Variants in MIPEP observed in about 807,000 individuals in gnomAD.
MIPEP encodes the protein mitochondrial intermediate peptidase.
MIPEP carries 79 observed loss-of-function variants against 90.3 expected under a neutral mutation model. That is an observed-to-expected ratio of 0.87 (90% CI 0.73 to 1.05). MIPEP has a LOEUF of 1.05. MIPEP is among the 50% of genes least tolerant of loss of function. MIPEP has a pLI of 0.00. For missense variants in MIPEP, 940 were observed against 905.6 expected (o/e 1.04, Z -0.49); for synonymous variants, 334 against 315.8 (o/e 1.06, Z -0.61).
intron 16 of MIPEP, among the ~76,000 whole-genome samples, chr13:23,801,496 T>C (rs760335117): frequency 1.1e-4 from 16 of 152,302 alleles, no homozygotes; most frequent in Middle Eastern, 3.4e-3. Flanking sequence ...CTACTATTAG[T>C]AGAAAGAATG....
intron 18 of MIPEP, among the ~76,000 whole-genome samples, chr13:23,748,131 C>T (rs1361197924): frequency 6.6e-6 from 1 of 152,162 alleles, no homozygotes; most frequent in Non-Finnish European, 1.5e-5. Flanking sequence ...ACCTCCGACT[C>T]CCAGGTATAA....
At chr13:23,817,204 G>A (rs1459275703) in intron 14 of MIPEP, among the ~76,000 whole-genome samples, 1 of 152,176 alleles carries the variant, frequency 6.6e-6, no homozygotes, top group African/African-American at 2.4e-5. Flanking sequence ...AGCCTCCAAA[G>A]GAGAAAAATC....
At chr13:23,798,316 A>T (rs1952987162) in intron 16 of MIPEP, among the ~76,000 whole-genome samples, 1 of 152,242 alleles carries the variant, frequency 6.6e-6, no homozygotes, top group Non-Finnish European at 1.5e-5. Context: ...TATACTTAAT[A>T]TGAAATATAT....
At chr13:23,828,418 T>G (rs994863350) in intron 14 of MIPEP, among the ~76,000 whole-genome samples, 1 of 152,190 alleles carries the variant, frequency 6.6e-6, no homozygotes, top group Non-Finnish European at 1.5e-5. Flanking sequence ...ATTATCTGGT[T>G]AAAAAAGCTT....
intron 16 of MIPEP, among the ~76,000 whole-genome samples, chr13:23,794,978 A>G (rs1952940743): frequency 6.6e-6 from 1 of 152,250 alleles, no homozygotes; most frequent in Non-Finnish European, 1.5e-5. Context: ...AAGAAATTTA[A>G]CATGCAATTA....
In MIPEP at chr13:23,761,434, T is replaced by C. The variant is rs192945830; in HGVS notation, c.1849-1217A>G. Among the ~76,000 whole-genome samples, 22 of 152,246 alleles carry C rather than the reference T, an allele frequency of 1.4e-4. No homozygotes were observed. The East Asian group carries it at 4.1e-3, about 28-fold the overall frequency. ...CACTTGGAACGCCTGGTCATCAACA[T>C]TGGAGGAGAGAATTTGGAGTCTGGC... On this transcript the variant is annotated intron_variant, in intron 16 of 18. Coordinates refer to ENST00000382172, the MANE Select transcript of MIPEP (RefSeq NM_005932.4).
intron 16 of MIPEP, among the ~76,000 whole-genome samples, chr13:23,771,361 T>C (rs1593144408): frequency 6.6e-6 from 1 of 152,164 alleles, no homozygotes; most frequent in East Asian, 1.9e-4. Flanking sequence ...CAATAAATAT[T>C]TACACAAACA....
At chr13:23,840,545 T>C (rs535787967) in intron 11 of MIPEP, among the ~76,000 whole-genome samples, 6 of 152,346 alleles carry the variant, frequency 3.9e-5, no homozygotes, top group African/African-American at 1.4e-4. Context: ...TCTATCTTTT[T>C]TGGAAGTTTG....
At chr13:23,783,168 G>C (rs2137364424) in intron 16 of MIPEP, among the ~76,000 whole-genome samples, 1 of 152,222 alleles carries the variant, frequency 6.6e-6, no homozygotes, top group South Asian at 2.1e-4. Flanking sequence ...GAGAATTTTA[G>C]ACCAATATCC....
intron 14 of MIPEP, among the ~76,000 whole-genome samples, chr13:23,812,056 C>A (rs1277761629): frequency 6.6e-6 from 1 of 152,160 alleles, no homozygotes; most frequent in Non-Finnish European, 1.5e-5. Flanking sequence ...TTAACTAACA[C>A]ATATGAAGAC....
chr13:23,785,655 T>A (rs1178595320), intron 16 of MIPEP, among the ~76,000 whole-genome samples: 6 of 146,768 alleles, frequency 4.1e-5, no homozygotes, highest in Non-Finnish European at 7.5e-5. Flanking sequence ...AAGAAAGAAG[T>A]CCTCTAAAAA....
chr13:23,768,839 C>A (rs1402583542), intron 16 of MIPEP, among the ~76,000 whole-genome samples: 1 of 152,116 alleles, frequency 6.6e-6, no homozygotes, highest in Admixed American at 6.5e-5. Context: ...ATGCTAACCT[C>A]GACTGTTAAT....
chr13:23,763,187 T>G (rs1249309142), intron 16 of MIPEP, among the ~76,000 whole-genome samples: 1 of 152,208 alleles, frequency 6.6e-6, no homozygotes, highest in Non-Finnish European at 1.5e-5. Context: ...TTTGTCAGTT[T>G]TTCTTTTTAT....
chr13:23,854,300 G>A (rs1869953971), intron 10 of MIPEP, among the ~76,000 whole-genome samples: 1 of 111,212 alleles, frequency 9.0e-6, no homozygotes, highest in Admixed American at 9.7e-5. Flanking sequence ...TTTTTTCTTT[G>A]TTCTTTTTCT....
intron 16 of MIPEP, among the ~76,000 whole-genome samples, chr13:23,773,977 G>T (rs1312408185): frequency 1.3e-5 from 2 of 152,188 alleles, no homozygotes; most frequent in African/African-American, 2.4e-5. Flanking sequence ...TTTAGGTGAT[G>T]TATCTAAGAA....
chr13:23,862,360 G>A lies in MIPEP; in HGVS notation c.995C>T (p.Thr332Ile). 1 of 1,570,420 alleles carries A rather than the reference G, an allele frequency of 6.4e-7. No individual in the cohort carries two copies. Among genetic ancestry groups the A allele is most frequent in the Non-Finnish European group, 8.7e-7 (1 of 1,148,854 alleles). The stretch of plus-strand genomic sequence containing the variant: ...TCGTATCATCTCAAAATCTTTCAGA[G>A]TTCTATAAAACAGGTTTATCATTAC... Reference protein sequence around the residue: ...EKLSDKLSERTLKDFEMIRGM... With the variant: ...EKLSDKLSERILKDFEMIRGM... Residue 332 changes from threonine to isoleucine, a missense_variant and splice_region_variant, in exon 9 of 19, where the codon ACT becomes ATT. Thr to Ile is a moderately conservative substitution (Grantham distance 89, BLOSUM62 -1). Transcript: ENST00000382172.
intron 16 of MIPEP, among the ~76,000 whole-genome samples, chr13:23,769,512 G>A (rs1415540355): frequency 6.6e-6 from 1 of 152,176 alleles, no homozygotes; most frequent in Non-Finnish European, 1.5e-5. Context: ...CAATGGGAAG[G>A]AGTCCAAGGG....
At chr13:23,778,713 CAATAAT>C (rs10687980) in intron 16 of MIPEP, among the ~76,000 whole-genome samples, 1 of 150,898 alleles carries the variant, frequency 6.6e-6, no homozygotes, top group Non-Finnish European at 1.5e-5. Context: ...ATTATACTGA[CAATAAT>C]AATAATAATA....
In MIPEP at chr13:23,885,737, TA is replaced by T. The variant is rs112344938; in HGVS notation, c.363+595del. Among the ~76,000 whole-genome samples, 371 of 141,184 alleles carry T rather than the reference TA, an allele frequency of 2.6e-3. 1 individual carries two copies. The highest frequency in any genetic ancestry group is 4.1e-3 in the South Asian group (18 of 4,426). 92.6% of individuals were successfully genotyped at this position (141,184 alleles called of 152,430 possible). A position where few individuals can be genotyped will look rare whatever the true frequency, so the allele number is the denominator to read the frequency against. ...TTGATGTCAAAACTTGGTTTTTAAT[TA>T]AAAAAAAAAAAGCATTCCTGAAAAG... On this transcript the variant is annotated intron_variant, in intron 2 of 18. Coordinates refer to ENST00000382172, the MANE Select transcript of MIPEP (RefSeq NM_005932.4).
Sources: gnomAD v4.1 joint callset for allele counts (sites outside exome capture counted in the v4.1 genomes callset) on GRCh38, gnomAD v4.1.1 for gene constraint, MANE v1.5 for transcripts, NCBI Gene and HGNC (gene_info 2026-07-23, HGNC 2026-07-21) for gene names.